ARFGEF3: variants seen among roughly 807,000 people sequenced by gnomAD.
ARFGEF3 encodes the protein ARFGEF family member 3.
In ARFGEF3, 96 loss-of-function variants were observed where a neutral mutation model predicts 221.7. The ratio of observed to expected loss-of-function variants is 0.43; its 90% confidence interval spans 0.37 to 0.51. The LOEUF (loss-of-function observed/expected upper bound fraction) is 0.51. Among genes scored for constraint, ARFGEF3 ranks in the 20% least tolerant of loss-of-function variants. ARFGEF3 has a pLI of 0.00. For missense variants in ARFGEF3, 2,410 were observed against 2,789.9 expected (o/e 0.86, Z 3.07); for synonymous variants, 1,145 against 1,126.8 (o/e 1.02, Z -0.32).
chr6:138,304,385 T>C (rs1779682511), intron 22 of ARFGEF3, among the ~76,000 whole-genome samples: 1 of 152,160 alleles, frequency 6.6e-6, no homozygotes, highest in Non-Finnish European at 1.5e-5. Context: ...TACTGCGTTT[T>C]TTGAGGGGGT....
rs1227913799 is a variant in ARFGEF3 at position 138,341,919 on chromosome 6, C to T, written c.*5433C>T. 1 of 152,144 alleles carries T rather than the reference C, an allele frequency of 6.6e-6. No homozygotes were observed. Among genetic ancestry groups the T allele is most frequent in the Admixed American group, 6.5e-5 (1 of 15,282 alleles). The allele number at this position is 152,144 out of a possible 1,614,324, so 9.4% of individuals were successfully genotyped here. A position where few individuals can be genotyped will look rare whatever the true frequency, so the allele number is the denominator to read the frequency against. The stretch of plus-strand genomic sequence containing the variant: ...ACCACACCACTAGCACCATACAGAA[C>T]CTTTTCTCTGTATCTTTGTACAATA... On this transcript the variant is annotated 3_prime_UTR_variant, in exon 34 of 34. Transcript: ENST00000251691.
chr6:138,321,700 A>G (rs1297418516), intron 29 of ARFGEF3, among the ~76,000 whole-genome samples: 1 of 152,262 alleles, frequency 6.6e-6, no homozygotes, highest in African/African-American at 2.4e-5. Flanking sequence ...AAATAGAGGT[A>G]TCATACAATC....
At chr6:138,208,136 T>C (rs571396662) in intron 3 of ARFGEF3, among the ~76,000 whole-genome samples, 4 of 151,170 alleles carry the variant, frequency 2.6e-5, no homozygotes, top group Admixed American at 6.6e-5. Context: ...TGCATTTAGC[T>C]TCTCTCTCTT....
At chr6:138,272,450 C>T (rs772412668) in intron 12 of ARFGEF3, among the ~76,000 whole-genome samples, 4 of 152,190 alleles carry the variant, frequency 2.6e-5, no homozygotes, top group South Asian at 2.1e-4. Context: ...GGCCACTGCA[C>T]CTGGCCTATA....
At chr6:138,177,830 C>G (rs1009582116) in intron 2 of ARFGEF3, among the ~76,000 whole-genome samples, 1 of 152,006 alleles carries the variant, frequency 6.6e-6, no homozygotes, top group Non-Finnish European at 1.5e-5. Flanking sequence ...AGATGTCTAT[C>G]TCCTTGGTAA....
At chr6:138,289,145 G>A (rs992800871) in intron 17 of ARFGEF3, among the ~76,000 whole-genome samples, 1 of 152,134 alleles carries the variant, frequency 6.6e-6, no homozygotes, top group Non-Finnish European at 1.5e-5. Context: ...TAGAGACAGA[G>A]TTTCTCCATG....
intron 14 of ARFGEF3, among the ~76,000 whole-genome samples, chr6:138,285,279 C>T (rs919988258): frequency 8.6e-5 from 13 of 151,958 alleles, no homozygotes; most frequent in African/African-American, 2.2e-4. Context: ...CTGGCTAACA[C>T]GGTGAAACCC....
intron 8 of ARFGEF3, 110 bp downstream of exon 8, chr6:138,245,701 G>A (rs1238571150): frequency 1.2e-6 from 1 of 836,678 alleles, no homozygotes; most frequent in African/African-American, 1.7e-5. Flanking sequence ...AGGGACAATA[G>A]TTTCCCCCCT....
intron 22 of ARFGEF3, among the ~76,000 whole-genome samples, chr6:138,306,470 T>C (rs929191373): frequency 1.3e-5 from 2 of 152,138 alleles, no homozygotes; most frequent in African/African-American, 4.8e-5. Flanking sequence ...GATTCTCAAA[T>C]TTATATGAAA....
intron 12 of ARFGEF3, among the ~76,000 whole-genome samples, chr6:138,264,154 G>C (rs1778842464): frequency 6.6e-6 from 1 of 152,106 alleles, no homozygotes; most frequent in African/African-American, 2.4e-5. Context: ...CTGTTGAATT[G>C]TGACTCAGAC....
intron 1 of ARFGEF3, among the ~76,000 whole-genome samples, chr6:138,167,716 T>C (rs536568169): frequency 6.6e-6 from 1 of 152,358 alleles, no homozygotes; most frequent in Admixed American, 6.5e-5. Flanking sequence ...CTTCTCTTTT[T>C]ATCTGAACTT....
chr6:138,325,519 A>G (rs1456540234), intron 31 of ARFGEF3, among the ~76,000 whole-genome samples: 1 of 152,252 alleles, frequency 6.6e-6, no homozygotes, highest in African/African-American at 2.4e-5. Flanking sequence ...AAGTTGGGAC[A>G]GAAGAAAGGT....
chr6:138,178,324 T>C (rs750584159), intron 2 of ARFGEF3, among the ~76,000 whole-genome samples: 1 of 152,180 alleles, frequency 6.6e-6, no homozygotes, highest in Non-Finnish European at 1.5e-5. Context: ...AGTAGCCCGA[T>C]AGCTCCCCTG....
intron 6 of ARFGEF3, among the ~76,000 whole-genome samples, chr6:138,242,495 A>G (rs1778409926): frequency 6.6e-6 from 1 of 152,100 alleles, no homozygotes; most frequent in African/African-American, 2.4e-5. Context: ...AAGTCCAGGA[A>G]CCTAATCCTT....
Position 138,311,491 on chromosome 6 carries a change from A to C in ARFGEF3, c.4181A>C (p.Tyr1394Ser). Residue 1394 changes from tyrosine (Y) to serine (S), a missense_variant, in exon 25 of 34, where the codon TAC (tyrosine) becomes TCC (serine). Physicochemically the swap from Tyr to Ser is moderately radical, Grantham distance 144 (BLOSUM62 -2). This residue lies in a region of ARFGEF3 where 723 missense variants were observed against 991.9 expected (regional missense o/e 0.73). Coordinates refer to ENST00000251691, the MANE Select transcript of ARFGEF3 (RefSeq NM_020340.5). ...STDLCLPALDYLRRCSQLLAK... is the reference protein window; with the variant it reads ...STDLCLPALDSLRRCSQLLAK... ...GACCTGTGCCTCCCGGCCCTGGATT[A>C]CCTCAGGCGCTGCTCTCAGGTAGGG... 6.3e-7 allele frequency: 1 copy of C among 1,597,754 alleles called. No individual in the cohort carries two copies. Among genetic ancestry groups the C allele is most frequent in the South Asian group, 1.1e-5 (1 of 87,608 alleles).
chr6:138,289,081 G>A (rs563931877), intron 17 of ARFGEF3, among the ~76,000 whole-genome samples: 2 of 152,108 alleles, frequency 1.3e-5, no homozygotes, highest in Non-Finnish European at 2.9e-5. Flanking sequence ...AGCCTCCTGA[G>A]TAGCTGGGAT....
At chr6:138,167,205 T>C (rs1776740160) in intron 1 of ARFGEF3, among the ~76,000 whole-genome samples, 1 of 152,338 alleles carries the variant, frequency 6.6e-6, no homozygotes, top group South Asian at 2.1e-4. Context: ...AGTGCCAGAT[T>C]CTGTCCCCAG....
chr6:138,284,232 G>T (rs1010248446), intron 14 of ARFGEF3, among the ~76,000 whole-genome samples: 3 of 152,130 alleles, frequency 2.0e-5, no homozygotes, highest in Non-Finnish European at 4.4e-5. Context: ...TTGAACCTGG[G>T]AGGTGGAAGT....
At chr6:138,200,734 A>G (rs1042199608) in intron 2 of ARFGEF3, among the ~76,000 whole-genome samples, 1 of 152,196 alleles carries the variant, frequency 6.6e-6, no homozygotes. Flanking sequence ...AGAAGATAAC[A>G]TTGGAAAAAC....
Sources: gnomAD v4.1 joint callset for allele counts (sites outside exome capture counted in the v4.1 genomes callset) on GRCh38, gnomAD v4.1.1 for gene constraint, gnomAD v4.1.1 regional missense constraint, MANE v1.5 for transcripts, NCBI Gene and HGNC (gene_info 2026-07-23, HGNC 2026-07-21) for gene names.